The following NNT variants were observed in gnomAD, a reference collection of about 807,000 sequenced individuals.
NNT encodes nicotinamide nucleotide transhydrogenase.
NNT carries 50 observed loss-of-function variants against 104.8 expected under a neutral mutation model. The observed-to-expected ratio is 0.48, with a 90% CI of 0.38 to 0.60. The LOEUF (loss-of-function observed/expected upper bound fraction) is 0.60, where lower values mean the gene tolerates loss of function less well. Ranked by LOEUF, NNT falls within the 20% of genes least tolerant of loss-of-function variation. The pLI is 0.00. For missense variants in NNT, 1,131 were observed against 1,330.7 expected (o/e 0.85, Z 2.33); for synonymous variants, 461 against 490.4 (o/e 0.94, Z 0.79).
At chr5:43,666,747 T>G in intron 17 of NNT, 1 of 1,241,780 alleles carries the variant, frequency 8.1e-7, no homozygotes, top group Non-Finnish European at 1.1e-6. Context: ...CCTTCTGTCC[T>G]CACGTTGGCA....
intron 1 of NNT, among the ~76,000 whole-genome samples, chr5:43,608,118 A>G (rs1005334854): frequency 1.6e-4 from 24 of 151,942 alleles, no homozygotes; most frequent in African/African-American, 5.6e-4. Flanking sequence ...TTTAGTAGAA[A>G]CGGGGTTTCA....
intron 5 of NNT, among the ~76,000 whole-genome samples, chr5:43,622,636 G>A (rs1398427904): frequency 6.6e-6 from 1 of 152,110 alleles, no homozygotes; most frequent in African/African-American, 2.4e-5. Context: ...AGATTCCATT[G>A]TTTAATATAA....
Position 43,702,465 on chromosome 5 carries a change from T to G in NNT, c.2996-156T>G, listed in dbSNP as rs79974141. On this transcript the variant is annotated intron_variant, in intron 20 of 21. Transcript: ENST00000344920. ...GTGAAATTGGCCGAGTTGCTTAACCTCTCTGATAAAGTTCTTTGTAAAGTG... is the reference window on the plus strand; with the variant it reads ...GTGAAATTGGCCGAGTTGCTTAACCGCTCTGATAAAGTTCTTTGTAAAGTG... Among the ~76,000 whole-genome samples, 610 of 152,344 alleles carry G rather than the reference T, an allele frequency of 4.0e-3. 25 individuals carry two copies. In the East Asian group the frequency reaches 0.057, roughly 14 times the overall value.
At chr5:43,700,581 C>T (rs1486557249) in intron 20 of NNT, among the ~76,000 whole-genome samples, 1 of 152,158 alleles carries the variant, frequency 6.6e-6, no homozygotes, top group Non-Finnish European at 1.5e-5. Flanking sequence ...ACCTCAGGCT[C>T]TTCATTTATG....
chr5:43,623,906 A>G, intron 5 of NNT, 126 bp from the exon 6 acceptor site: 1 of 851,594 alleles, frequency 1.2e-6, no homozygotes, highest in Non-Finnish European at 2.0e-6. Context: ...GCTGATCATC[A>G]TTATCACCAT....
chr5:43,704,219 T>G (rs1310792823), intron 21 of NNT, 36 bp from the exon 22 acceptor site: 2 of 1,525,056 alleles, frequency 1.3e-6, no homozygotes, highest in South Asian at 2.7e-5. Context: ...GGTTGGTCTG[T>G]TAAATACACT....
At chr5:43,654,440 C>G (rs908973742) in intron 14 of NNT, among the ~76,000 whole-genome samples, 1 of 152,176 alleles carries the variant, frequency 6.6e-6, no homozygotes, top group African/African-American at 2.4e-5. Context: ...TATTTGAAAA[C>G]TATTATCAGA....
chr5:43,636,166 G>A (rs1367619323), intron 7 of NNT, among the ~76,000 whole-genome samples: 2 of 152,128 alleles, frequency 1.3e-5, no homozygotes, highest in Non-Finnish European at 2.9e-5. Context: ...AAGTTGTTTT[G>A]AGGAATGAAG....
chr5:43,662,033 A>G (rs1285756668), intron 17 of NNT, among the ~76,000 whole-genome samples: 2 of 152,212 alleles, frequency 1.3e-5, no homozygotes, highest in African/African-American at 4.8e-5. Context: ...TTGAATGTTA[A>G]CAAAGCCTAT....
intron 19 of NNT, among the ~76,000 whole-genome samples, chr5:43,689,072 G>A (rs1173229201): frequency 3.3e-5 from 5 of 151,950 alleles, no homozygotes; most frequent in Non-Finnish European, 5.9e-5. Context: ...TTTTGATTAT[G>A]TTCATTCTTG....
intron 17 of NNT, among the ~76,000 whole-genome samples, chr5:43,671,399 CA>C (rs1234449274): frequency 2.0e-5 from 3 of 152,150 alleles, no homozygotes; most frequent in South Asian, 4.1e-4. Flanking sequence ...TACAATTTGG[CA>C]TGTTTTTGCA....
chr5:43,670,764 T>G (rs1208398730), intron 17 of NNT, among the ~76,000 whole-genome samples: 8 of 152,316 alleles, frequency 5.3e-5, no homozygotes, highest in Middle Eastern at 3.4e-3. Context: ...TTCTGTTGAT[T>G]TGGGGTGGAG....
intron 17 of NNT, among the ~76,000 whole-genome samples, chr5:43,660,042 A>G (rs1467913176): frequency 6.6e-6 from 1 of 152,206 alleles, no homozygotes; most frequent in Non-Finnish European, 1.5e-5. Context: ...TTAAAATATT[A>G]TTTTAAGAGA....
At chr5:43,613,230 C>T (rs189430548) in intron 3 of NNT, 93 bp downstream of exon 3, 1 of 958,738 alleles carries the variant, frequency 1.0e-6, no homozygotes. Flanking sequence ...GGAGTTACAC[C>T]TTTTCCTATT....
At chr5:43,642,952 T>C (rs779152817) in intron 7 of NNT, among the ~76,000 whole-genome samples, 3 of 152,122 alleles carry the variant, frequency 2.0e-5, no homozygotes, top group Non-Finnish European at 4.4e-5. Context: ...AGAGATGGAG[T>C]TTCACTCTGT....
Position 43,702,859 on chromosome 5 carries a change from A to T in NNT, c.3111+123A>T, listed in dbSNP as rs923783751. The T allele has an allele frequency of 4.1e-5, 26 of 637,860 alleles. No individual in the cohort carries two copies. In the East Asian group the frequency reaches 6.4e-4, roughly 16 times the overall value. The allele number at this position is 637,860 out of a possible 1,614,324, so 39.5% of individuals were successfully genotyped here. On this transcript the variant is annotated intron_variant, in intron 21 of 21. Transcript: ENST00000344920. ...CTTCTAGGAGGCCAGGAGTAAGAGCATGTTTAGGGCCCAGTTTCCTATATC... is the reference window on the plus strand; with the variant it reads ...CTTCTAGGAGGCCAGGAGTAAGAGCTTGTTTAGGGCCCAGTTTCCTATATC...
chr5:43,664,676 CTGT>C lies in NNT; in HGVS notation c.2634+5328_2634+5330del, dbSNP rs144867560. ...AATTCTTTGTCTTGGAAGCTGGGAA[CTGT>C]TCAATCTCTGGAACAGTGGTCATAG... On this transcript the variant is annotated intron_variant, in intron 17 of 21. Transcript: ENST00000344920. 3.5e-3 allele frequency among the ~76,000 whole-genome samples: 533 copies of C among 152,170 alleles called. 2 individuals are homozygous for C. Among genetic ancestry groups the C allele is most frequent in the African/African-American group, 0.012 (507 of 41,480 alleles).
intron 17 of NNT, among the ~76,000 whole-genome samples, chr5:43,662,562 A>T (rs1328247574): frequency 6.6e-6 from 1 of 152,110 alleles, no homozygotes; most frequent in East Asian, 1.9e-4. Flanking sequence ...GGTCAGATTA[A>T]TAATTCGGAT....
intron 2 of NNT, among the ~76,000 whole-genome samples, chr5:43,611,958 A>G (rs1465456495): frequency 6.6e-6 from 1 of 152,160 alleles, no homozygotes; most frequent in Non-Finnish European, 1.5e-5. Flanking sequence ...ATCAGATTAT[A>G]TTTTGTGATG....
Sources: allele counts gnomAD v4.1 joint callset (sites outside exome capture counted in the v4.1 genomes callset), GRCh38; gene constraint gnomAD v4.1.1; transcripts MANE v1.5; gene names NCBI Gene and HGNC (gene_info 2026-07-23, HGNC 2026-07-21).